ROBO2: variants seen among roughly 807,000 people sequenced by gnomAD.
ROBO2 encodes roundabout homolog 2.
Under a neutral mutation model 160.8 loss-of-function variants are expected in ROBO2, and 53 were observed. The observed-to-expected ratio is 0.33, with a 90% CI of 0.26 to 0.41. The LOEUF (loss-of-function observed/expected upper bound fraction) is 0.41, where lower values mean the gene tolerates loss of function less well. Among genes scored for constraint, ROBO2 ranks in the 10% least tolerant of loss-of-function variants. The pLI, the probability that ROBO2 is intolerant of heterozygous loss-of-function variation, is 1.00. For missense variants in ROBO2, 1,577 were observed against 1,722.4 expected (o/e 0.92, Z 1.49); for synonymous variants, 664 against 611.7 (o/e 1.09, Z -1.26).
chr3:76,453,976 A>T (rs1030851697), intron 2 of ROBO2, among the ~76,000 whole-genome samples: 1 of 152,124 alleles, frequency 6.6e-6, no homozygotes, highest in African/African-American at 2.4e-5. Context: ...GTACCTGTCT[A>T]TTGTCACCTG....
intron 2 of ROBO2, among the ~76,000 whole-genome samples, chr3:77,304,574 G>T (rs972612235): frequency 6.6e-6 from 1 of 152,162 alleles, no homozygotes; most frequent in Middle Eastern, 3.2e-3. Flanking sequence ...GATTTAAAAG[G>T]TTATTATACT....
In ROBO2 at chr3:76,838,537, T is replaced by C. The variant is rs552263149; in HGVS notation, c.110-259477T>C. Among the ~76,000 whole-genome samples, 399 of 152,180 alleles carry C rather than the reference T, an allele frequency of 2.6e-3. 2 individuals carry two copies. The highest frequency in any genetic ancestry group is 3.9e-3 in the Non-Finnish European group (263 of 67,944). On this transcript the variant is annotated intron_variant, in intron 2 of 26. Transcript: ENST00000487694. ...AGGGGTCATTGAGAATATTTGACCATGGATCTTCCCTCATGTCTTATGAGC... is the reference window on the plus strand; with the variant it reads ...AGGGGTCATTGAGAATATTTGACCACGGATCTTCCCTCATGTCTTATGAGC...
intron 2 of ROBO2, among the ~76,000 whole-genome samples, chr3:76,545,356 A>G (rs1055475841): frequency 6.6e-6 from 1 of 152,044 alleles, no homozygotes; most frequent in African/African-American, 2.4e-5. Flanking sequence ...TTGCATACCT[A>G]CTGTCGGTTA....
At chr3:77,547,346 T>G (rs1006328372) in intron 7 of ROBO2, among the ~76,000 whole-genome samples, 2 of 152,098 alleles carry the variant, frequency 1.3e-5, no homozygotes, top group African/African-American at 2.4e-5. Flanking sequence ...CTAGGCATAT[T>G]CTGAGGAAGA....
intron 2 of ROBO2, among the ~76,000 whole-genome samples, chr3:76,375,379 CACTA>C (rs1395261792): frequency 6.6e-6 from 1 of 151,956 alleles, no homozygotes; most frequent in African/African-American, 2.4e-5. Flanking sequence ...CTGTGGAGGT[CACTA>C]ACTACTCAAA....
chr3:76,779,723 A>G (rs1367540418), intron 2 of ROBO2, among the ~76,000 whole-genome samples: 1 of 150,974 alleles, frequency 6.6e-6, no homozygotes, highest in Non-Finnish European at 1.5e-5. Context: ...CAGTGGAAGT[A>G]AAAATTTTCC....
At chr3:77,045,439 G>A (rs1033697027) in intron 1 of ROBO2, among the ~76,000 whole-genome samples, 6 of 152,166 alleles carry the variant, frequency 3.9e-5, no homozygotes, top group Non-Finnish European at 7.4e-5. Context: ...AGATCCATCA[G>A]CACAGAACTT....
chr3:77,023,141 G>A (rs2062744810), intron 2 of ROBO2, among the ~76,000 whole-genome samples: 1 of 152,142 alleles, frequency 6.6e-6, no homozygotes, highest in South Asian at 2.1e-4. Flanking sequence ...TGAATCATGA[G>A]GGCCAGTCTT....
chr3:77,215,876 C>T (rs1002141771), intron 2 of ROBO2, among the ~76,000 whole-genome samples: 27 of 152,314 alleles, frequency 1.8e-4, no homozygotes, highest in Non-Finnish European at 2.8e-4. Context: ...GTATCAGCAG[C>T]GGAGGCTGCA....
intron 2 of ROBO2, among the ~76,000 whole-genome samples, chr3:77,425,263 T>C (rs1445235978): frequency 6.6e-6 from 1 of 151,790 alleles, no homozygotes; most frequent in Non-Finnish European, 1.5e-5. Flanking sequence ...AGGAGATATA[T>C]AATAATTACA....
chr3:76,478,279 T>C (rs571905523), intron 2 of ROBO2, among the ~76,000 whole-genome samples: 5 of 149,636 alleles, frequency 3.3e-5, no homozygotes, highest in African/African-American at 1.2e-4. Flanking sequence ...ATATGCGGTG[T>C]TTGCTTTTTT....
At chr3:76,898,015 TG>T (rs1398799760) in intron 2 of ROBO2, among the ~76,000 whole-genome samples, 1 of 152,106 alleles carries the variant, frequency 6.6e-6, no homozygotes, top group African/African-American at 2.4e-5. Context: ...ACATTCCTGA[TG>T]GTAAGATTGC....
chr3:76,314,031 G>A (rs1300661056), intron 2 of ROBO2, among the ~76,000 whole-genome samples: 2 of 152,110 alleles, frequency 1.3e-5, no homozygotes, highest in Admixed American at 6.6e-5. Context: ...TTGGAAAAAA[G>A]GCAGATTATT....
At chr3:77,602,151 G>GA in intron 19 of ROBO2, 59 bp from the exon 21 acceptor site, 3 of 1,547,992 alleles carry the variant, frequency 1.9e-6, no homozygotes, top group Non-Finnish European at 2.7e-6. Context: ...CTTCAGTCCT[G>GA]ATAGTTTTGG....
At chr3:76,982,687 T>G (rs2060158187) in intron 2 of ROBO2, among the ~76,000 whole-genome samples, 1 of 151,530 alleles carries the variant, frequency 6.6e-6, no homozygotes, top group Non-Finnish European at 1.5e-5. Context: ...TTGTATCTTA[T>G]TAATTTATAC....
At chr3:77,300,775 G>A (rs1033907463) in intron 2 of ROBO2, among the ~76,000 whole-genome samples, 1 of 151,948 alleles carries the variant, frequency 6.6e-6, no homozygotes, top group African/African-American at 2.4e-5. Context: ...CTTTACAGGA[G>A]ACATTTAGGG....
chr3:77,571,297 G>A (rs956768282), intron 13 of ROBO2, among the ~76,000 whole-genome samples: 12 of 151,986 alleles, frequency 7.9e-5, no homozygotes, highest in Admixed American at 3.3e-4. Flanking sequence ...AAATGGAAAA[G>A]GTAAATATGA....
chr3:77,637,536 T>C (rs746491802), intron 24 of ROBO2, among the ~76,000 whole-genome samples: 3 of 152,220 alleles, frequency 2.0e-5, no homozygotes, highest in Non-Finnish European at 4.4e-5. Flanking sequence ...TGGTCACCAC[T>C]GCCTTTCTGC....
intron 2 of ROBO2, among the ~76,000 whole-genome samples, chr3:76,402,768 A>C (rs1198462155): frequency 6.6e-6 from 1 of 151,578 alleles, no homozygotes; most frequent in Admixed American, 6.6e-5. Flanking sequence ...CTGGGGGTCA[A>C]ATTCCTCTCA....
Sources: gnomAD v4.1 joint callset for allele counts (sites outside exome capture counted in the v4.1 genomes callset) on GRCh38, gnomAD v4.1.1 for gene constraint, MANE v1.5 for transcripts, NCBI Gene and HGNC (gene_info 2026-07-23, HGNC 2026-07-21) for gene names.